The following GAS2L3 variants were observed in gnomAD, a reference collection of about 807,000 sequenced individuals.
GAS2L3 encodes the protein GAS2-like protein 3.
In GAS2L3, 28 loss-of-function variants were observed where a neutral mutation model predicts 37.0. The observed-to-expected ratio is 0.76, with a 90% CI of 0.56 to 1.04. The LOEUF is 1.04. Ranked by LOEUF, GAS2L3 falls within the 50% of genes least tolerant of loss-of-function variation. The pLI is 0.00. For synonymous variants in GAS2L3, 290 were observed against 296.6 expected (o/e 0.98, Z 0.23); for missense variants, 793 against 817.6 (o/e 0.97, Z 0.37).
chr12:100,607,194 G>C (rs906842049), intron 5 of GAS2L3, among the ~76,000 whole-genome samples: 1 of 152,196 alleles, frequency 6.6e-6, no homozygotes. Context: ...TTTTCACTGG[G>C]TATGCTATTC....
intron 1 of GAS2L3, among the ~76,000 whole-genome samples, chr12:100,584,280 C>T (rs1348585363): frequency 6.6e-6 from 1 of 152,106 alleles, no homozygotes; most frequent in African/African-American, 2.4e-5. Flanking sequence ...GGAAGGGCTA[C>T]TAGAAAGAGG....
chr12:100,595,736 C>G (rs1469768392), intron 3 of GAS2L3, among the ~76,000 whole-genome samples: 4 of 151,934 alleles, frequency 2.6e-5, no homozygotes, highest in African/African-American at 9.7e-5. Context: ...GTCTCTGCTT[C>G]CTTACCTCTA....
chr12:100,585,524 G>A (rs1180561479), intron 1 of GAS2L3, among the ~76,000 whole-genome samples: 1 of 152,082 alleles, frequency 6.6e-6, no homozygotes, highest in Non-Finnish European at 1.5e-5. Context: ...AAAGTGCTGA[G>A]ATTACAGGCG....
chr12:100,575,088 T>C (rs1225196431), intron 1 of GAS2L3, among the ~76,000 whole-genome samples: 1 of 152,184 alleles, frequency 6.6e-6, no homozygotes, highest in Non-Finnish European at 1.5e-5. Context: ...AAGCCTAAAT[T>C]TCCTAGTCTG....
chr12:100,581,042 A>T lies in GAS2L3; in HGVS notation c.-152+7257A>T, dbSNP rs553566281. ...TTGATGAAGATATTTTTTGCTTTTT[A>T]AATACTAGGGACTGATATCACTGTT... On this transcript the variant is annotated intron_variant, in intron 1 of 9. Coordinates refer to ENST00000547754, the MANE Select transcript of GAS2L3 (RefSeq NM_174942.3). 3.3e-5 allele frequency among the ~76,000 whole-genome samples: 5 copies of T among 152,214 alleles called. No homozygotes were observed. In the East Asian group the frequency reaches 9.7e-4, roughly 29 times the overall value.
At chr12:100,615,139 C>T (rs1175667779) in intron 6 of GAS2L3, among the ~76,000 whole-genome samples, 1 of 152,150 alleles carries the variant, frequency 6.6e-6, no homozygotes, top group Non-Finnish European at 1.5e-5. Flanking sequence ...GCCCAATGTT[C>T]CAATTTCTCC....
At position 100,583,631 on chromosome 12, in the gene GAS2L3, C is replaced by T. The variant is rs372947611; in HGVS notation, c.-151-8105C>T. Among the ~76,000 whole-genome samples the T allele has an allele frequency of 9.2e-5, 14 of 152,102 alleles. No individual in the cohort carries two copies. The South Asian group carries it at 1.5e-3, about 16-fold the overall frequency. Reference sequence around the variant, plus strand: ...GAACTACAGGTGTGTGCCACCATGCCGACTAATTTTTTTTGTATTTTTAGT... The same window carrying T: ...GAACTACAGGTGTGTGCCACCATGCTGACTAATTTTTTTTGTATTTTTAGT... On this transcript the variant is annotated intron_variant, in intron 1 of 9. Transcript: ENST00000547754.
chr12:100,614,741 T>C (rs1010321571), intron 6 of GAS2L3, among the ~76,000 whole-genome samples: 7 of 152,246 alleles, frequency 4.6e-5, no homozygotes, highest in African/African-American at 1.7e-4. Flanking sequence ...TGGATTTGCA[T>C]ATTCTGGATG....
intron 2 of GAS2L3, among the ~76,000 whole-genome samples, chr12:100,594,476 TA>T (rs1955885834): frequency 6.6e-6 from 1 of 152,050 alleles, no homozygotes; most frequent in Non-Finnish European, 1.5e-5. Flanking sequence ...GACAGTCAGA[TA>T]AAAGATACTT....
intron 1 of GAS2L3, chr12:100,580,101 T>C: frequency 9.3e-7 from 1 of 1,072,518 alleles, no homozygotes; most frequent in Non-Finnish European, 1.5e-6. Context: ...TCATTGATAC[T>C]GGAATAGATG....
chr12:100,576,762 G>C (rs199916663), intron 1 of GAS2L3, among the ~76,000 whole-genome samples: 3 of 38,266 alleles, frequency 7.8e-5, no homozygotes, highest in African/African-American at 3.3e-4. Flanking sequence ...AGGGTGTTTT[G>C]GTTAACAGAA....
In GAS2L3 at chr12:100,600,402, G is replaced by A. The variant is rs1411255575; in HGVS notation, c.39G>A (p.Leu13=). The A allele has an allele frequency of 1.3e-6, 2 of 1,596,638 alleles. No homozygotes were observed. Among genetic ancestry groups the A allele is most frequent in the Admixed American group, 1.8e-5 (1 of 54,912 alleles). Residue 13 remains leucine (L), a synonymous_variant, in exon 4 of 10, where the codon CTG becomes CTA. Transcript: ENST00000547754. ...PAIQVWFGED[L]PLSPRSPLTP... ...TTTAGGTATGGTTTGGAGAAGATCT[G>A]CCTCTAAGTCCTCGGAGTCCTCTGA...
chr12:100,584,535 G>A (rs1565797576), intron 1 of GAS2L3, among the ~76,000 whole-genome samples: 1 of 151,144 alleles, frequency 6.6e-6, no homozygotes, highest in Non-Finnish European at 1.5e-5. Context: ...CTTAGTTCTA[G>A]ATTCATATTT....
At chr12:100,589,661 C>A (rs757558146) in intron 1 of GAS2L3, among the ~76,000 whole-genome samples, 1 of 152,158 alleles carries the variant, frequency 6.6e-6, no homozygotes, top group Non-Finnish European at 1.5e-5. Context: ...ATCACACTAC[C>A]TGATTTCAAA....
chr12:100,595,465 G>A (rs977283058), intron 3 of GAS2L3, among the ~76,000 whole-genome samples: 3 of 149,584 alleles, frequency 2.0e-5, no homozygotes, highest in Non-Finnish European at 4.4e-5. Context: ...AATCAGAATA[G>A]CCTTATATCT....
intron 2 of GAS2L3, among the ~76,000 whole-genome samples, chr12:100,594,221 A>G (rs1031364861): frequency 6.6e-6 from 1 of 152,008 alleles, no homozygotes; most frequent in Non-Finnish European, 1.5e-5. Context: ...CCCTTTGAAA[A>G]TATAGGAAAG....
chr12:100,624,823 C>T lies in GAS2L3; in HGVS notation c.2018C>T (p.Thr673Ile), dbSNP rs150300865. 41 of 1,612,140 alleles carry T rather than the reference C, an allele frequency of 2.5e-5. No homozygotes were observed. In the African/African-American group the frequency reaches 5.1e-4, roughly 20 times the overall value. ...GCAGATAGTGGAGATAAAAAACCTA[C>T]TGCAAAGAAAAAGGAAGATGATGAC... ...KDADSGDKKP[T>I]AKKKEDDDHY... Residue 673 changes from threonine to isoleucine, a missense_variant, in exon 10 of 10, where the codon ACT becomes ATT. Thr to Ile is a moderately conservative substitution (Grantham distance 89). Coordinates refer to ENST00000547754, the MANE Select transcript of GAS2L3 (RefSeq NM_174942.3).
At position 100,625,507 on chromosome 12, in the gene GAS2L3, TGGCTTATATTTACATTG is replaced by T. The variant is rs1593195677; in HGVS notation, c.*619_*635del. On this transcript the variant is annotated 3_prime_UTR_variant, in exon 10 of 10. Coordinates refer to ENST00000547754, the MANE Select transcript of GAS2L3 (RefSeq NM_174942.3). ...ATTGGAAGGAACTGATTGTTTCATGTGGCTTATATTTACATTGGTAATATTTTGTCACCAATATTTTT... is the reference window on the plus strand; with the variant it reads ...ATTGGAAGGAACTGATTGTTTCATGTGTAATATTTTGTCACCAATATTTTT... 6.6e-6 allele frequency: 1 copy of T among 151,840 alleles called. No homozygotes were observed. Among genetic ancestry groups the T allele is most frequent in the East Asian group, 1.9e-4 (1 of 5,188 alleles). 9.4% of individuals were successfully genotyped at this position (151,840 alleles called of 1,614,324 possible). A position where few individuals can be genotyped will look rare whatever the true frequency, so the allele number is the denominator to read the frequency against.
chr12:100,574,403 C>G (rs11829366), intron 1 of GAS2L3, among the ~76,000 whole-genome samples: 189 of 152,256 alleles, frequency 1.2e-3, no homozygotes, highest in African/African-American at 4.5e-3. Flanking sequence ...AGCTGGAGAC[C>G]CTGCGCGATG....
Sources: allele counts gnomAD v4.1 joint callset (sites outside exome capture counted in the v4.1 genomes callset), GRCh38; gene constraint gnomAD v4.1.1; transcripts MANE v1.5; gene names NCBI Gene and HGNC (gene_info 2026-07-23, HGNC 2026-07-21).